FSTL4: variants seen among roughly 807,000 people sequenced by gnomAD.
FSTL4 encodes follistatin like 4, also known as follistatin-related protein 4.
In FSTL4, 28 loss-of-function variants were observed where a neutral mutation model predicts 78.2. The ratio of observed to expected loss-of-function variants is 0.36; its 90% CI spans 0.27 to 0.49. The LOEUF is 0.49. Among genes scored for constraint, FSTL4 ranks in the 20% least tolerant of loss-of-function variants. FSTL4 has a pLI of 0.98. For synonymous variants in FSTL4, 422 were observed against 440.5 expected (o/e 0.96, Z 0.53); for missense variants, 922 against 1,084.9 (o/e 0.85, Z 2.11).
At chr5:133,469,189 C>G (rs1757768858) in intron 3 of FSTL4, among the ~76,000 whole-genome samples, 1 of 152,100 alleles carries the variant, frequency 6.6e-6, no homozygotes, top group Non-Finnish European at 1.5e-5. Context: ...TTAGAAAGAC[C>G]CCTCAGGACC....
At chr5:133,609,093 A>T (rs1037979093) in intron 1 of FSTL4, among the ~76,000 whole-genome samples, 1 of 152,156 alleles carries the variant, frequency 6.6e-6, no homozygotes, top group Admixed American at 6.5e-5. Context: ...TGGTAACTTT[A>T]CCAGACTAGC....
intron 6 of FSTL4, among the ~76,000 whole-genome samples, chr5:133,303,047 G>A (rs922993956): frequency 2.6e-5 from 4 of 152,162 alleles, no homozygotes; most frequent in African/African-American, 9.7e-5. Flanking sequence ...AGCTCTTCGA[G>A]GTCACCCCTA....
At chr5:133,333,001 CTCTGTCTCTCTCTCTCTG>C (rs1332747225) in intron 4 of FSTL4, among the ~76,000 whole-genome samples, 62 of 150,916 alleles carry the variant, frequency 4.1e-4, no homozygotes, top group African/African-American at 1.2e-3. Context: ...TCCTCTCTCT[CTCTGTCTCTCTCTCTCTG>C]TCTGTCTCTC....
intron 4 of FSTL4, among the ~76,000 whole-genome samples, chr5:133,352,322 AT>A (rs1754846708): frequency 1.1e-5 from 1 of 87,884 alleles, no homozygotes; most frequent in Non-Finnish European, 2.1e-5. Flanking sequence ...ACACACATAT[AT>A]ATACACACAT....
chr5:133,572,605 A>G (rs1264544634), intron 2 of FSTL4, among the ~76,000 whole-genome samples: 2 of 152,228 alleles, frequency 1.3e-5, no homozygotes. Context: ...AAGAAGAAAT[A>G]ATGAGCACCA....
intron 4 of FSTL4, among the ~76,000 whole-genome samples, chr5:133,341,973 CA>C (rs1754592434): frequency 6.6e-6 from 1 of 152,184 alleles, no homozygotes; most frequent in Non-Finnish European, 1.5e-5. Context: ...CCCAGGCACT[CA>C]GGGCTTCCTG....
intron 5 of FSTL4, among the ~76,000 whole-genome samples, chr5:133,314,037 A>G (rs752437176): frequency 6.6e-6 from 1 of 152,152 alleles, no homozygotes; most frequent in Non-Finnish European, 1.5e-5. Flanking sequence ...CATATCTGCC[A>G]GGTTAGAATG....
intron 1 of FSTL4, among the ~76,000 whole-genome samples, chr5:133,609,467 G>A (rs1761044113): frequency 6.6e-6 from 1 of 152,144 alleles, no homozygotes; most frequent in African/African-American, 2.4e-5. Flanking sequence ...GGCTGTACGG[G>A]AACCTCTCAA....
the FSTL4 span, among the ~76,000 whole-genome samples, chr5:133,623,659 T>G: frequency 6.6e-6 from 1 of 151,908 alleles, no homozygotes; most frequent in Non-Finnish European, 1.5e-5. Context: ...TTATCAAAAT[T>G]TAAAAACTTT....
chr5:133,301,248 C>A (rs1435648345), intron 6 of FSTL4, among the ~76,000 whole-genome samples: 2 of 152,148 alleles, frequency 1.3e-5, no homozygotes, highest in Non-Finnish European at 2.9e-5. Flanking sequence ...TGCCAAAGTG[C>A]GCAGGTCTAG....
chr5:133,773,513 G>A, the FSTL4 span, among the ~76,000 whole-genome samples: 1 of 152,118 alleles, frequency 6.6e-6, no homozygotes, highest in Non-Finnish European at 1.5e-5. Flanking sequence ...CTCCTTCTAG[G>A]CAGCAATTTA....
At chr5:133,265,548 A>T (rs537252288) in intron 6 of FSTL4, among the ~76,000 whole-genome samples, 16 of 152,236 alleles carry the variant, frequency 1.1e-4, no homozygotes, top group Non-Finnish European at 1.8e-4. Flanking sequence ...GGCAGGACAC[A>T]AACCCACAAA....
chr5:133,357,888 C>T (rs190069391), intron 4 of FSTL4, among the ~76,000 whole-genome samples: 1 of 152,332 alleles, frequency 6.6e-6, no homozygotes, highest in Non-Finnish European at 1.5e-5. Flanking sequence ...CCCAGCTTCT[C>T]AGCCCACTCC....
At chr5:133,578,685 G>A (rs1389057675) in intron 2 of FSTL4, among the ~76,000 whole-genome samples, 1 of 152,160 alleles carries the variant, frequency 6.6e-6, no homozygotes, top group Non-Finnish European at 1.5e-5. Flanking sequence ...TATGCTAAAG[G>A]TTATTCATTT....
chr5:133,442,881 A>G (rs1205366498), intron 3 of FSTL4, among the ~76,000 whole-genome samples: 1 of 152,254 alleles, frequency 6.6e-6, no homozygotes, highest in Admixed American at 6.5e-5. Flanking sequence ...CATCGTATCC[A>G]AGTACACACA....
intron 8 of FSTL4, among the ~76,000 whole-genome samples, chr5:133,229,522 T>TAA (rs35050723): frequency 0.012 from 1,717 of 145,676 alleles, 31 homozygotes; most frequent in African/African-American, 0.04. Flanking sequence ...GACCTTGTCT[T>TAA]AAAAAAAAAA....
chr5:133,237,632 C>T (rs1245279341), intron 7 of FSTL4, among the ~76,000 whole-genome samples: 2 of 152,158 alleles, frequency 1.3e-5, no homozygotes, highest in African/African-American at 4.8e-5. Flanking sequence ...CATATAATTA[C>T]AGAACAAAGC....
intron 3 of FSTL4, among the ~76,000 whole-genome samples, chr5:133,478,964 C>A (rs1338567970): frequency 6.6e-6 from 1 of 152,158 alleles, no homozygotes; most frequent in Non-Finnish European, 1.5e-5. Flanking sequence ...CCTCTCAAAT[C>A]TTTGCACATT....
At chr5:133,259,203 G>A (rs1225169084) in intron 6 of FSTL4, among the ~76,000 whole-genome samples, 1 of 148,758 alleles carries the variant, frequency 6.7e-6, no homozygotes, top group Non-Finnish European at 1.5e-5. Flanking sequence ...CTGGTGTGGC[G>A]GAAAGCCTCT....
Sources: gnomAD v4.1 joint callset for allele counts (sites outside exome capture counted in the v4.1 genomes callset) on GRCh38, gnomAD v4.1.1 for gene constraint, MANE v1.5 for transcripts, NCBI Gene and HGNC (gene_info 2026-07-23, HGNC 2026-07-21) for gene names.